RANBP17: variants seen among roughly 807,000 people sequenced by gnomAD.
RANBP17 encodes ran-binding protein 17.
RANBP17 carries 158 observed loss-of-function variants against 141.2 expected under a neutral mutation model. That is an observed-to-expected ratio of 1.12 (90% CI 0.98 to 1.28). The LOEUF is 1.28. Ranked by LOEUF, RANBP17 falls within the 50% of genes most tolerant of loss-of-function variation. The pLI, the probability that RANBP17 is intolerant of heterozygous loss-of-function variation, is 0.00. For synonymous variants in RANBP17, 430 were observed against 450.0 expected (o/e 0.96, Z 0.56); for missense variants, 1,438 against 1,290.7 (o/e 1.11, Z -1.75).
At chr5:171,045,913 C>G (rs1230247752) in intron 14 of RANBP17, among the ~76,000 whole-genome samples, 1 of 152,130 alleles carries the variant, frequency 6.6e-6, no homozygotes, top group Non-Finnish European at 1.5e-5. Flanking sequence ...TGATCTGTTC[C>G]CATTCACTAC....
intron 21 of RANBP17, among the ~76,000 whole-genome samples, chr5:171,217,479 G>A (rs1334280259): frequency 7.9e-5 from 12 of 152,164 alleles, no homozygotes; most frequent in Admixed American, 7.9e-4. Context: ...AGCTTCAGAA[G>A]GAATGGTACC....
chr5:171,233,039 T>A (rs545741254), intron 22 of RANBP17, among the ~76,000 whole-genome samples: 129 of 152,070 alleles, frequency 8.5e-4, no homozygotes, highest in African/African-American at 3.0e-3. Context: ...AAAAAGAAAT[T>A]AACTAGTAAT....
At chr5:171,183,085 C>T in intron 16 of RANBP17, 82 bp from the exon 17 acceptor site, 1 of 714,126 alleles carries the variant, frequency 1.4e-6, no homozygotes. Context: ...AAATTGATGC[C>T]ACTACAGTTC....
At chr5:170,934,300 T>G (rs952066593) in intron 12 of RANBP17, among the ~76,000 whole-genome samples, 2 of 152,242 alleles carry the variant, frequency 1.3e-5, no homozygotes, top group Non-Finnish European at 2.9e-5. Context: ...TTTGAGCCTA[T>G]GTGTGTCTCT....
At chr5:170,865,055 T>G in intron 1 of RANBP17, among the ~76,000 whole-genome samples, 1 of 151,870 alleles carries the variant, frequency 6.6e-6, no homozygotes, top group Non-Finnish European at 1.5e-5. Context: ...TTTGCAGGTT[T>G]GTTGTTGTTG....
At chr5:171,236,640 A>C (rs913448105) in intron 22 of RANBP17, among the ~76,000 whole-genome samples, 1 of 152,142 alleles carries the variant, frequency 6.6e-6, no homozygotes, top group Non-Finnish European at 1.5e-5. Context: ...TACAGGAAAA[A>C]AAAAACTGAG....
chr5:171,238,715 G>T, intron 22 of RANBP17, among the ~76,000 whole-genome samples: 1 of 152,158 alleles, frequency 6.6e-6, no homozygotes, highest in Non-Finnish European at 1.5e-5. Flanking sequence ...CAGTGGTGTA[G>T]AACTGTTCTT....
intron 21 of RANBP17, among the ~76,000 whole-genome samples, chr5:171,221,057 T>C (rs1763525906): frequency 6.6e-6 from 1 of 152,198 alleles, no homozygotes; most frequent in African/African-American, 2.4e-5. Context: ...TTTTTCAAAA[T>C]GCCACTTCTT....
At chr5:171,136,238 AT>A (rs1475608022) in intron 14 of RANBP17, among the ~76,000 whole-genome samples, 1 of 152,076 alleles carries the variant, frequency 6.6e-6, no homozygotes, top group African/African-American at 2.4e-5. Flanking sequence ...TTAATCACAA[AT>A]TTTTTTATTC....
At chr5:170,957,235 A>G (rs1338137063) in intron 13 of RANBP17, among the ~76,000 whole-genome samples, 1 of 152,034 alleles carries the variant, frequency 6.6e-6, no homozygotes, top group Non-Finnish European at 1.5e-5. Context: ...TTGAACTAAG[A>G]TTTGTGTTTT....
At chr5:171,074,987 A>G (rs2127698996) in intron 14 of RANBP17, among the ~76,000 whole-genome samples, 1 of 152,298 alleles carries the variant, frequency 6.6e-6, no homozygotes, top group South Asian at 2.1e-4. Flanking sequence ...TGCAGATAAG[A>G]AAACTGAAAC....
At chr5:171,064,086 A>G (rs1463863659) in intron 14 of RANBP17, among the ~76,000 whole-genome samples, 1 of 152,208 alleles carries the variant, frequency 6.6e-6, no homozygotes, top group Non-Finnish European at 1.5e-5. Context: ...TTGACTAGGA[A>G]AGGGAACTCC....
rs1776753065 is a variant in RANBP17, at chr5:170,968,468, C to T, written c.1710+91C>T. The T allele has an allele frequency of 2.6e-6, 3 of 1,154,646 alleles. No homozygotes were observed. The East Asian group carries it at 7.2e-5, about 28-fold the overall frequency. The allele number at this position is 1,154,646 out of a possible 1,614,324, so 71.5% of individuals were successfully genotyped here. On this transcript the variant is annotated intron_variant, in intron 14 of 27. Coordinates refer to ENST00000523189, the MANE Select transcript of RANBP17 (RefSeq NM_022897.5). ...GAATGATATATTTGGGAAATTTCTA[C>T]ATAAGACGTGTAATTGATTAATGAA...
intron 12 of RANBP17, among the ~76,000 whole-genome samples, chr5:170,932,120 C>T (rs1365022063): frequency 6.6e-6 from 1 of 152,178 alleles, no homozygotes. Flanking sequence ...AGAGGTCCTT[C>T]ACTTCCCTTG....
intron 16 of RANBP17, among the ~76,000 whole-genome samples, chr5:171,174,076 A>T (rs987003893): frequency 2.6e-5 from 4 of 152,156 alleles, no homozygotes; most frequent in African/African-American, 9.7e-5. Context: ...GCCAAATTTG[A>T]AACTTTTCAA....
rs531086103 is a variant in RANBP17 at position 170,892,407 on chromosome 5, G to A, written c.277G>A (p.Val93Met). 29 of 1,590,840 alleles carry A rather than the reference G, an allele frequency of 1.8e-5. No individual in the cohort carries two copies. Among genetic ancestry groups the A allele is most frequent in the East Asian group, 1.4e-4 (6 of 43,226 alleles). Reference protein sequence around the residue: ...MDIRNYILNYVASQPKLAPFV... With the variant: ...MDIRNYILNYMASQPKLAPFV... ...TGTAGGAAACTACATTCTGAATTAC[G>A]TGGCATCACAGCCCAAGCTGGCTCC... is the stretch of plus-strand genomic sequence containing the variant. Residue 93 changes from valine to methionine, a missense_variant, in exon 4 of 28, where the codon GTG (valine) becomes ATG (methionine). Physicochemically the swap from Val to Met is conservative, Grantham distance 21. Transcript: ENST00000523189.
intron 14 of RANBP17, chr5:170,983,179 A>G: frequency 4.3e-6 from 2 of 468,698 alleles, no homozygotes; most frequent in Non-Finnish European, 8.1e-6. Context: ...AGGCTAAGGG[A>G]AGCTCTCGGA....
At chr5:171,079,798 T>A (rs1037088121) in intron 14 of RANBP17, among the ~76,000 whole-genome samples, 6 of 152,244 alleles carry the variant, frequency 3.9e-5, no homozygotes, top group African/African-American at 1.2e-4. Context: ...TGCAACAATT[T>A]TTTTTGCAGA....
chr5:171,126,509 T>C (rs761860401), intron 14 of RANBP17, among the ~76,000 whole-genome samples: 5 of 151,858 alleles, frequency 3.3e-5, no homozygotes, highest in African/African-American at 9.7e-5. Flanking sequence ...AAAATAAAAA[T>C]ACAAAATATC....
Sources: gnomAD v4.1 joint callset for allele counts (sites outside exome capture counted in the v4.1 genomes callset) on GRCh38, gnomAD v4.1.1 for gene constraint, MANE v1.5 for transcripts, NCBI Gene and HGNC (gene_info 2026-07-23, HGNC 2026-07-21) for gene names.